HSPA12A: variants seen among roughly 807,000 people sequenced by gnomAD.
The protein encoded by HSPA12A is heat shock 70 kDa protein 12A.
A neutral mutation model predicts 69.2 loss-of-function variants in HSPA12A; 28 were observed. That is an observed-to-expected ratio of 0.40 (90% confidence interval 0.30 to 0.55). The LOEUF (loss-of-function observed/expected upper bound fraction) is 0.55. Among genes scored for constraint, HSPA12A ranks in the 20% least tolerant of loss-of-function variants. The probability of loss-of-function intolerance (pLI) is 0.38; values close to 1 mark genes in which losing one functional copy is unlikely to be tolerated. For missense variants in HSPA12A, 686 were observed against 900.7 expected (o/e 0.76, Z 3.05); for synonymous variants, 345 against 370.5 (o/e 0.93, Z 0.79).
At chr10:116,806,703 G>A (rs1194663027) in intron 2 of HSPA12A, among the ~76,000 whole-genome samples, 1 of 152,160 alleles carries the variant, frequency 6.6e-6, no homozygotes, top group Non-Finnish European at 1.5e-5. Context: ...GTGCTAAGGG[G>A]CCCTCGTTCC....
chr10:116,837,967 T>C (rs1374701408), intron 1 of HSPA12A, among the ~76,000 whole-genome samples: 1 of 152,126 alleles, frequency 6.6e-6, no homozygotes, highest in East Asian at 1.9e-4. Flanking sequence ...CTGTAACACA[T>C]ATAATTAGAT....
At chr10:116,737,569 A>C (rs1851352800) in intron 1 of HSPA12A, among the ~76,000 whole-genome samples, 1 of 152,218 alleles carries the variant, frequency 6.6e-6, no homozygotes, top group East Asian at 1.9e-4. Flanking sequence ...AAGGTGAAAG[A>C]TATCATTATT....
At chr10:116,725,363 C>T (rs1850920362) in intron 1 of HSPA12A, among the ~76,000 whole-genome samples, 1 of 152,176 alleles carries the variant, frequency 6.6e-6, no homozygotes, top group Non-Finnish European at 1.5e-5. Context: ...CCAGCTCCAC[C>T]TCTGAGCTTC....
upstream of HSPA12A, among the ~76,000 whole-genome samples, chr10:116,747,388 G>C (rs740598): frequency 6.6e-6 from 1 of 152,026 alleles, no homozygotes; most frequent in Non-Finnish European, 1.5e-5. Flanking sequence ...GGTTAGTCTC[G>C]CAGCCACATT....
chr10:116,797,831 G>A (rs866233729), intron 2 of HSPA12A, among the ~76,000 whole-genome samples: 2 of 152,098 alleles, frequency 1.3e-5, no homozygotes, highest in Admixed American at 6.6e-5. Context: ...GCCACAAAAC[G>A]GAAGCACTGA....
intron 2 of HSPA12A, 146 bp downstream of exon 2, chr10:116,707,054 C>T (rs1850273064): frequency 1.5e-6 from 1 of 661,916 alleles, no homozygotes; most frequent in South Asian, 2.0e-5. Context: ...AATCTCCAAC[C>T]AGTGAATGTG....
chr10:116,807,718 G>C (rs2133177939), intron 2 of HSPA12A, among the ~76,000 whole-genome samples: 1 of 152,328 alleles, frequency 6.6e-6, no homozygotes, highest in Non-Finnish European at 1.5e-5. Context: ...AATACACCGT[G>C]AGTCTGGAGC....
chr10:116,681,852 C>T lies in HSPA12A; in HGVS notation c.861G>A (p.Arg287=), dbSNP rs1849412926. 2.5e-6 allele frequency: 4 copies of T among 1,614,014 alleles called. No homozygotes were observed. The highest frequency in any genetic ancestry group is 1.3e-5 in the African/African-American group (1 of 74,936). Residue 287 remains arginine, a synonymous_variant, in exon 8 of 12, where the codon CGG becomes CGA. Coordinates refer to ENST00000369209, the MANE Select transcript of HSPA12A (RefSeq NM_025015.3). The part of the protein sequence containing the change: ...TQAKEHIRRN[R]QSRTFLVENV... ...TCTCCACCAAAAAGGTCCGACTCTG[C>T]CGATTACGCCGTATGTGTTCCTTAG...
chr10:116,695,835 A>G lies in HSPA12A; in HGVS notation c.546+2800T>C, dbSNP rs566378908. ...ACTCCGTCTCAAAACAAAAACAAAG[A>G]AAAAAGAAAAAACAAAAATTAGCTG... On this transcript the variant is annotated intron_variant, in intron 5 of 11. Transcript: ENST00000369209. Among the ~76,000 whole-genome samples the G allele has an allele frequency of 3.6e-3, 366 of 102,528 alleles. 3 individuals carry two copies. The highest frequency in any genetic ancestry group is 0.014 in the African/African-American group (342 of 23,846). The allele number at this position is 102,528 out of a possible 152,430, so 67.3% of individuals were successfully genotyped here. A position where few individuals can be genotyped will look rare whatever the true frequency, so the allele number is the denominator to read the frequency against.
chr10:116,751,197 G>T, intron 2 of HSPA12A: 1 of 242,116 alleles, frequency 4.1e-6, no homozygotes, highest in South Asian at 7.0e-5. Context: ...CCCTTGCTCA[G>T]AAGAAAGATC....
chr10:116,775,687 T>C (rs1292507884), intron 2 of HSPA12A, among the ~76,000 whole-genome samples: 3 of 152,114 alleles, frequency 2.0e-5, no homozygotes, highest in Non-Finnish European at 4.4e-5. Flanking sequence ...TTCATTTGCT[T>C]GCTAAAGGAA....
chr10:116,819,454 C>T (rs1310715581), intron 2 of HSPA12A, among the ~76,000 whole-genome samples: 2 of 152,092 alleles, frequency 1.3e-5, no homozygotes, highest in African/African-American at 4.8e-5. Context: ...GTGACTGGGT[C>T]ATGAAGGTGG....
intron 1 of HSPA12A, among the ~76,000 whole-genome samples, chr10:116,737,039 A>T (rs1403034499): frequency 6.6e-6 from 1 of 152,228 alleles, no homozygotes; most frequent in East Asian, 1.9e-4. Context: ...TGCTTTTCAT[A>T]TAAAAACTCA....
chr10:116,712,311 G>C (rs1357150486), intron 1 of HSPA12A, among the ~76,000 whole-genome samples: 1 of 152,170 alleles, frequency 6.6e-6, no homozygotes, highest in Non-Finnish European at 1.5e-5. Context: ...TTGCCAGAAA[G>C]AGGGGTATAT....
chr10:116,734,979 G>A (rs552963978), intron 1 of HSPA12A, among the ~76,000 whole-genome samples: 3 of 152,246 alleles, frequency 2.0e-5, no homozygotes, highest in South Asian at 2.1e-4. Flanking sequence ...GCGACAGAGC[G>A]AGACTCCGTC....
At chr10:116,714,182 C>A (rs566205901) in intron 1 of HSPA12A, among the ~76,000 whole-genome samples, 2 of 151,862 alleles carry the variant, frequency 1.3e-5, no homozygotes, top group East Asian at 3.9e-4. Context: ...TTATGTGTAC[C>A]CAAAAGTGGA....
rs758758514 is a variant in HSPA12A, at chr10:116,849,588, C to T, written c.-20G>A. ...TACCATGGAGGAAGAAGGCGGCGGC[C>T]GCAGCTGTGGGACCACTAGGGAGCT... On this transcript the variant is annotated 5_prime_UTR_variant, in exon 1 of 13. Coordinates refer to the HSPA12A transcript ENST00000635765. The T allele has an allele frequency of 1.7e-5, 26 of 1,545,528 alleles. No individual in the cohort carries two copies. The highest frequency in any genetic ancestry group is 1.9e-5 in the Non-Finnish European group (22 of 1,144,736).
intron 1 of HSPA12A, among the ~76,000 whole-genome samples, chr10:116,736,681 G>A (rs1456947441): frequency 1.4e-4 from 21 of 152,114 alleles, no homozygotes; most frequent in African/African-American, 5.1e-4. Flanking sequence ...AAGGGGCCAC[G>A]ATCCAAGGAA....
intron 10 of HSPA12A, 44 bp from the exon 11 acceptor site, chr10:116,676,546 C>A (rs782734592): frequency 6.9e-7 from 1 of 1,442,562 alleles, no homozygotes; most frequent in Admixed American, 1.7e-5. Context: ...TGAGGGTCTA[C>A]ACGATACCCA....
Sources: gnomAD v4.1 joint callset for allele counts (sites outside exome capture counted in the v4.1 genomes callset) on GRCh38, gnomAD v4.1.1 for gene constraint, MANE v1.5 for transcripts, NCBI Gene and HGNC (gene_info 2026-07-23, HGNC 2026-07-21) for gene names.